The following JMJD1C variants were observed in gnomAD, a reference collection of about 807,000 sequenced individuals.
JMJD1C encodes the protein jumonji domain containing 1C.
In JMJD1C, 31 loss-of-function variants were observed where a neutral mutation model predicts 245.3. The ratio of observed to expected loss-of-function variants is 0.13; its 90% CI spans 0.09 to 0.17. The LOEUF is 0.17. Among genes scored for constraint, JMJD1C ranks in the 10% least tolerant of loss-of-function variants. The pLI is 1.00. For missense variants in JMJD1C, 2,691 were observed against 3,000.2 expected, an observed-to-expected ratio of 0.90 and a Z score of 2.41; for synonymous variants, 1,057 against 1,017.4, an observed-to-expected ratio of 1.04 and a Z score of -0.74.
chr10:63,322,580 C>A (rs984497500), intron 2 of JMJD1C, among the ~76,000 whole-genome samples: 1 of 151,848 alleles, frequency 6.6e-6, no homozygotes, highest in Non-Finnish European at 1.5e-5. Flanking sequence ...TTTGGGAGGC[C>A]GAAGAGGGAG....
chr10:63,363,230 G>GTCTACTTC (rs1214529819), intron 2 of JMJD1C, among the ~76,000 whole-genome samples: 1 of 147,692 alleles, frequency 6.8e-6, no homozygotes, highest in Non-Finnish European at 1.5e-5. Context: ...AGCACTGGGA[G>GTCTACTTC]TCTACTTCTC....
chr10:63,403,697 G>A (rs1948997611), intron 1 of JMJD1C, among the ~76,000 whole-genome samples: 1 of 152,218 alleles, frequency 6.6e-6, no homozygotes, highest in Non-Finnish European at 1.5e-5. Flanking sequence ...CCACCACTTT[G>A]GGAGGCCAAG....
At chr10:63,248,059 C>G (rs534971831) in intron 3 of JMJD1C, among the ~76,000 whole-genome samples, 7 of 152,236 alleles carry the variant, frequency 4.6e-5, no homozygotes, top group Admixed American at 1.3e-4. Flanking sequence ...GAAACCCTGT[C>G]TCTACTAAAA....
chr10:63,268,421 T>C (rs942752339), intron 2 of JMJD1C, among the ~76,000 whole-genome samples: 5 of 152,154 alleles, frequency 3.3e-5, no homozygotes, highest in Non-Finnish European at 5.9e-5. Context: ...AAATCCTAAT[T>C]TGAAGCACTT....
At chr10:63,310,328 T>C (rs966860534) in intron 2 of JMJD1C, among the ~76,000 whole-genome samples, 2 of 152,180 alleles carry the variant, frequency 1.3e-5, no homozygotes, top group African/African-American at 4.8e-5. Flanking sequence ...ATAGCTAAGA[T>C]AGAACTTCAA....
At chr10:63,495,701 T>C (rs1954340545) in intron 1 of JMJD1C, among the ~76,000 whole-genome samples, 1 of 147,154 alleles carries the variant, frequency 6.8e-6, no homozygotes, top group Non-Finnish European at 1.5e-5. Context: ...GAGGTTGCAG[T>C]GAGCCGAGAT....
chr10:63,220,644 C>CA (rs1288288268), intron 3 of JMJD1C, among the ~76,000 whole-genome samples: 1 of 152,182 alleles, frequency 6.6e-6, no homozygotes, highest in Non-Finnish European at 1.5e-5. Context: ...ATCATACAGT[C>CA]ACGTGATTTC....
At chr10:63,248,380 G>A (rs1350565301) in intron 3 of JMJD1C, among the ~76,000 whole-genome samples, 8 of 130,960 alleles carry the variant, frequency 6.1e-5, no homozygotes, top group African/African-American at 2.0e-4. Flanking sequence ...AATTAGCTGG[G>A]CGTGGTGGCA....
At chr10:63,409,377 T>C (rs1371186609) in intron 1 of JMJD1C, among the ~76,000 whole-genome samples, 1 of 152,202 alleles carries the variant, frequency 6.6e-6, no homozygotes, top group East Asian at 1.9e-4. Flanking sequence ...TGTAACTGTT[T>C]TTCCAAAGAG....
At chr10:63,317,965 A>T (rs1359947941) in intron 2 of JMJD1C, among the ~76,000 whole-genome samples, 2 of 151,986 alleles carry the variant, frequency 1.3e-5, no homozygotes, top group Non-Finnish European at 2.9e-5. Flanking sequence ...CTGCCTCAGC[A>T]GCCTCCCAAG....
At chr10:63,458,991 A>C (rs1952604392) in intron 1 of JMJD1C, among the ~76,000 whole-genome samples, 1 of 152,108 alleles carries the variant, frequency 6.6e-6, no homozygotes, top group South Asian at 2.1e-4. Flanking sequence ...CAAAGTGCTG[A>C]GATTACAGAT....
chr10:63,294,269 G>C (rs1175405861), intron 2 of JMJD1C, among the ~76,000 whole-genome samples: 1 of 149,672 alleles, frequency 6.7e-6, no homozygotes, highest in East Asian at 2.0e-4. Flanking sequence ...CCCTTTATCT[G>C]TTCAGTTCAA....
In JMJD1C at chr10:63,168,086, T is replaced by G; in HGVS notation, c.7582A>C (p.Lys2528Gln). Residue 2528 changes from lysine to glutamine, a missense_variant, in exon 26 of 26, where the codon AAG becomes CAG. Transcript: ENST00000399262. ...TCCTCTACTTCATCCTCGTGTATCT[T>G]CAAGGCTCTCACCATTTCTTTGACT... is the stretch of plus-strand genomic sequence containing the variant. ...HAVKEMVRAL[K>Q]IHEDEVEDME... 1 of 1,606,800 alleles carries G rather than the reference T, an allele frequency of 6.2e-7. No homozygotes were observed. The highest frequency in any genetic ancestry group is 8.5e-7 in the Non-Finnish European group (1 of 1,174,012).
chr10:63,211,367 G>A (rs1445666005), intron 8 of JMJD1C, among the ~76,000 whole-genome samples: 2 of 151,658 alleles, frequency 1.3e-5, no homozygotes, highest in Non-Finnish European at 2.9e-5. Flanking sequence ...TTGGGAGGCT[G>A]AGGCAGGACA....
chr10:63,241,347 G>A (rs960101051), intron 3 of JMJD1C, among the ~76,000 whole-genome samples: 27 of 152,096 alleles, frequency 1.8e-4, no homozygotes, highest in African/African-American at 6.3e-4. Flanking sequence ...GACAGAAGAC[G>A]AGCAGTAAAG....
rs1240828623 is a variant in JMJD1C, at chr10:63,194,270, A to G, written c.5734+16T>C. The G allele has an allele frequency of 6.6e-7, 1 of 1,517,082 alleles. No individual in the cohort carries two copies. Among genetic ancestry groups the G allele is most frequent in the Non-Finnish European group, 9.2e-7 (1 of 1,091,660 alleles). The allele number at this position is 1,517,082 out of a possible 1,614,324, so 94.0% of individuals were successfully genotyped here. ...CAACCAAGAGCAGTTATATTACATG[A>G]AGAAGATATACTTACCAGAACCAGG... On this transcript the variant is annotated intron_variant, in intron 14 of 25. Transcript: ENST00000399262.
At chr10:63,250,004 T>C (rs1013424336) in intron 3 of JMJD1C, among the ~76,000 whole-genome samples, 2 of 152,182 alleles carry the variant, frequency 1.3e-5, no homozygotes, top group Admixed American at 6.5e-5. Flanking sequence ...CTATTATGTA[T>C]TGATAATTTT....
chr10:63,478,655 C>T (rs1953734581), intron 1 of JMJD1C, among the ~76,000 whole-genome samples: 2 of 152,142 alleles, frequency 1.3e-5, no homozygotes, highest in Admixed American at 6.5e-5. Context: ...TGTCCTCTCC[C>T]GGTGTAGTCA....
At chr10:63,252,317 G>T (rs1853202483) in intron 3 of JMJD1C, among the ~76,000 whole-genome samples, 1 of 152,144 alleles carries the variant, frequency 6.6e-6, no homozygotes, top group African/African-American at 2.4e-5. Flanking sequence ...TGTTGCTCTG[G>T]AAGTATTTTT....
Sources: gnomAD v4.1 joint callset for allele counts (sites outside exome capture counted in the v4.1 genomes callset) on GRCh38, gnomAD v4.1.1 for gene constraint, MANE v1.5 for transcripts, NCBI Gene and HGNC (gene_info 2026-07-23, HGNC 2026-07-21) for gene names.